The following ENPP3 variants were observed in gnomAD, a reference collection of about 807,000 sequenced individuals.
ENPP3 encodes the protein ectonucleotide pyrophosphatase/phosphodiesterase family member 3.
ENPP3 carries 104 observed loss-of-function variants against 117.8 expected under a neutral mutation model. The observed-to-expected ratio is 0.88, with a 90% CI of 0.75 to 1.04. ENPP3 has a LOEUF of 1.04. ENPP3 is among the 50% of genes least tolerant of loss of function. The probability of loss-of-function intolerance (pLI) is 0.00; values close to 1 mark genes in which losing one functional copy is unlikely to be tolerated. For missense variants in ENPP3, 1,026 were observed against 1,051.9 expected (o/e 0.98, Z 0.34); for synonymous variants, 380 against 349.9 (o/e 1.09, Z -0.96).
chr6:131,717,351 G>GGTGTGTGTGTGT (rs71030754), intron 15 of ENPP3, among the ~76,000 whole-genome samples: 1 of 89,422 alleles, frequency 1.1e-5, no homozygotes, highest in Non-Finnish European at 2.0e-5. Context: ...CCCTGCGGGG[G>GGTGTGTGTGTGT]GTGTGTGTGT....
At chr6:131,650,312 T>C (rs1308737166) in intron 3 of ENPP3, among the ~76,000 whole-genome samples, 163 bp downstream of exon 3, 1 of 152,052 alleles carries the variant, frequency 6.6e-6, no homozygotes, top group Non-Finnish European at 1.5e-5. Flanking sequence ...CTTGATCTCC[T>C]GGGTCCAATT....
At chr6:131,658,178 A>T in intron 5 of ENPP3, 145 bp from the exon 6 acceptor site, 1 of 606,400 alleles carries the variant, frequency 1.6e-6, no homozygotes, top group Non-Finnish European at 2.9e-6. Context: ...AGAAATTAAA[A>T]AAATAAAAAA....
intron 14 of ENPP3, among the ~76,000 whole-genome samples, chr6:131,686,200 A>G (rs1779149616): frequency 2.0e-5 from 3 of 152,198 alleles, no homozygotes; most frequent in Admixed American, 1.3e-4. Context: ...AGCTTCAGGT[A>G]GCATCGTCTT....
Position 131,722,338 on chromosome 6 carries a change from C to T in ENPP3, c.1679C>T (p.Ser560Phe), listed in dbSNP as rs758739879. The T allele has an allele frequency of 5.0e-6, 8 of 1,614,050 alleles. No homozygotes were observed. In the South Asian group the frequency reaches 8.8e-5, roughly 18 times the overall value. ...CATGCAGAGGAGGTGTCAAAGTTTT[C>T]TGTTTGTGGCTTTGCTAATCCATTG... Reference protein sequence around the residue: ...PSHAEEVSKFSVCGFANPLPT... With the variant: ...PSHAEEVSKFFVCGFANPLPT... Residue 560 changes from serine to phenylalanine, a missense_variant, in exon 18 of 25, where the codon TCT (serine) becomes TTT (phenylalanine). Coordinates refer to ENST00000357639, the MANE Select transcript of ENPP3 (RefSeq NM_005021.5).
intron 20 of ENPP3, among the ~76,000 whole-genome samples, chr6:131,732,189 T>C (rs1780295455): frequency 1.3e-5 from 2 of 152,300 alleles, no homozygotes; most frequent in South Asian, 4.1e-4. Context: ...TCAAATTTTA[T>C]TAAGAAAGAT....
At chr6:131,676,843 A>G (rs1367356411) in intron 10 of ENPP3, 42 bp downstream of exon 10, 3 of 1,274,974 alleles carry the variant, frequency 2.4e-6, no homozygotes, top group Admixed American at 4.3e-5. Flanking sequence ...AGTGGCATAT[A>G]TATGGGTAAA....
At chr6:131,722,013 G>A (rs914992450) in intron 17 of ENPP3, among the ~76,000 whole-genome samples, 2 of 152,122 alleles carry the variant, frequency 1.3e-5, no homozygotes, top group African/African-American at 2.4e-5. Context: ...GTGCACTGCC[G>A]CACCTGGCTA....
At chr6:131,712,908 G>T (rs1241517884) in intron 15 of ENPP3, among the ~76,000 whole-genome samples, 2 of 150,202 alleles carry the variant, frequency 1.3e-5, no homozygotes, top group African/African-American at 2.5e-5. Flanking sequence ...TACCTGACTT[G>T]CTACAACAAT....
intron 15 of ENPP3, among the ~76,000 whole-genome samples, chr6:131,705,477 AT>A (rs1346489685): frequency 6.6e-6 from 1 of 152,242 alleles, no homozygotes; most frequent in Non-Finnish European, 1.5e-5. Context: ...AATTAATTTG[AT>A]TGTGTTTATC....
At chr6:131,737,910 TCA>T in intron 22 of ENPP3, 119 bp from the exon 23 acceptor site, 1 of 652,766 alleles carries the variant, frequency 1.5e-6, no homozygotes, top group South Asian at 2.6e-5. Context: ...AATTACCCAA[TCA>T]TCACTGGCAA....
In ENPP3 at chr6:131,662,634, A is replaced by C. The variant is rs563458222; in HGVS notation, c.562+4214A>C. ...ATTTTTAATATATTTTGAAATCAGG[A>C]GCTTTGATGTCTTCAGCTTTGTTCT... On this transcript the variant is annotated intron_variant, in intron 6 of 24. Transcript: ENST00000357639. 3.3e-5 allele frequency among the ~76,000 whole-genome samples: 5 copies of C among 152,278 alleles called. No homozygotes were observed. In the South Asian group the frequency reaches 1.0e-3, roughly 32 times the overall value.
At chr6:131,693,242 T>TGGAGTG (rs1349478972) in intron 14 of ENPP3, among the ~76,000 whole-genome samples, 1 of 151,680 alleles carries the variant, frequency 6.6e-6, no homozygotes. Flanking sequence ...AATGGGGTGA[T>TGGAGTG]CTTGGCTCAC....
At chr6:131,652,190 G>T (rs1778277447) in intron 3 of ENPP3, among the ~76,000 whole-genome samples, 1 of 152,160 alleles carries the variant, frequency 6.6e-6, no homozygotes, top group African/African-American at 2.4e-5. Context: ...AGACAAGGCT[G>T]GGCAAAGCTG....
At chr6:131,673,684 A>G (rs1778798948) in intron 7 of ENPP3, among the ~76,000 whole-genome samples, 1 of 149,418 alleles carries the variant, frequency 6.7e-6, no homozygotes, top group Non-Finnish European at 1.5e-5. Flanking sequence ...AAAGTGGAAG[A>G]AAGAGAGAAA....
intron 24 of ENPP3, among the ~76,000 whole-genome samples, chr6:131,743,811 C>A (rs2114586904): frequency 7.2e-6 from 1 of 139,062 alleles, no homozygotes; most frequent in South Asian, 2.3e-4. Flanking sequence ...GGCAACAGAA[C>A]AAGACTCTGT....
At chr6:131,646,699 A>C in intron 2 of ENPP3, among the ~76,000 whole-genome samples, 1 of 145,806 alleles carries the variant, frequency 6.9e-6, no homozygotes, top group African/African-American at 2.6e-5. Context: ...TTACCTAACG[A>C]CACCCTGGGA....
intron 11 of ENPP3, 102 bp from the exon 12 acceptor site, chr6:131,682,952 A>G (rs1043018897): frequency 4.0e-6 from 3 of 749,964 alleles, no homozygotes; most frequent in Admixed American, 4.4e-5. Context: ...AAAACCAGCA[A>G]TTTCAGAGAT....
chr6:131,736,596 G>C lies in ENPP3; in HGVS notation c.2090-759G>C, dbSNP rs776314954. Among the ~76,000 whole-genome samples, 68 of 152,118 alleles carry C rather than the reference G, an allele frequency of 4.5e-4. No homozygotes were observed. The Middle Eastern group carries it at 0.014, about 30-fold the overall frequency. ...GGAGCTACAATTCAAGATGAGATTG[G>C]GGGGGACACAGCCAAACCATATCAG... On this transcript the variant is annotated intron_variant, in intron 21 of 24. Transcript: ENST00000357639.
chr6:131,686,961 G>A (rs1413893413), intron 14 of ENPP3, among the ~76,000 whole-genome samples: 2 of 152,154 alleles, frequency 1.3e-5, no homozygotes, highest in African/African-American at 4.8e-5. Flanking sequence ...TGTGAATAAT[G>A]CAGCAATACA....
Sources: gnomAD v4.1 joint callset for allele counts (sites outside exome capture counted in the v4.1 genomes callset) on GRCh38, gnomAD v4.1.1 for gene constraint, MANE v1.5 for transcripts, NCBI Gene and HGNC (gene_info 2026-07-23, HGNC 2026-07-21) for gene names.